KHDRBS2: variants seen among roughly 807,000 people sequenced by gnomAD.
KHDRBS2 encodes the protein KH RNA binding domain containing, signal transduction associated 2, also known as KH domain-containing, RNA-binding, signal transduction-associated protein 2.
Under a neutral mutation model 44.3 loss-of-function variants are expected in KHDRBS2, and 26 were observed. That is an observed-to-expected ratio of 0.59 (90% CI 0.43 to 0.81). The LOEUF is 0.81. KHDRBS2 is among the 40% of genes least tolerant of loss of function. KHDRBS2 has a pLI of 0.00. For synonymous variants in KHDRBS2, 194 were observed against 151.1 expected (o/e 1.28, Z -2.08); for missense variants, 476 against 433.1 (o/e 1.10, Z -0.88).
intron 6 of KHDRBS2, among the ~76,000 whole-genome samples, chr6:61,874,736 T>A (rs1210665082): frequency 6.6e-6 from 1 of 152,106 alleles, no homozygotes; most frequent in Non-Finnish European, 1.5e-5. Flanking sequence ...GAGGTTAGCT[T>A]AGAAGCACGT....
At chr6:61,970,471 G>C (rs745909075) in intron 4 of KHDRBS2, among the ~76,000 whole-genome samples, 1 of 152,138 alleles carries the variant, frequency 6.6e-6, no homozygotes, top group East Asian at 1.9e-4. Flanking sequence ...CATTCAAAAC[G>C]ACCAAGTTAA....
the KHDRBS2 span, among the ~76,000 whole-genome samples, chr6:61,551,920 T>A: frequency 6.6e-6 from 1 of 152,198 alleles, no homozygotes; most frequent in East Asian, 1.9e-4. Context: ...ATATATCCCA[T>A]GTGAATGGGA....
At chr6:62,124,141 C>T (rs1401819161) in intron 2 of KHDRBS2, among the ~76,000 whole-genome samples, 1 of 152,080 alleles carries the variant, frequency 6.6e-6, no homozygotes, top group African/African-American at 2.4e-5. Flanking sequence ...ATATCAGTAC[C>T]CCCAGGGATC....
At chr6:62,201,241 A>T (rs1484819556) in intron 1 of KHDRBS2, among the ~76,000 whole-genome samples, 3 of 152,134 alleles carry the variant, frequency 2.0e-5, no homozygotes, top group African/African-American at 7.2e-5. Flanking sequence ...TTATTAAAAA[A>T]AATTTTAGAG....
At chr6:62,205,958 A>G (rs1163040972) in intron 1 of KHDRBS2, among the ~76,000 whole-genome samples, 1 of 152,188 alleles carries the variant, frequency 6.6e-6, no homozygotes, top group Non-Finnish European at 1.5e-5. Context: ...ATCAATAGCA[A>G]AAAATTGGGA....
intron 6 of KHDRBS2, among the ~76,000 whole-genome samples, chr6:61,814,472 T>C (rs1278414300): frequency 2.6e-5 from 4 of 151,906 alleles, no homozygotes; most frequent in Non-Finnish European, 4.4e-5. Context: ...CTTGGTGTGG[T>C]GCTGCGTGCC....
At chr6:62,121,251 C>T (rs1807561472) in intron 2 of KHDRBS2, among the ~76,000 whole-genome samples, 1 of 152,156 alleles carries the variant, frequency 6.6e-6, no homozygotes. Context: ...AGCTTTAGAC[C>T]TACATCTACT....
the KHDRBS2 span, among the ~76,000 whole-genome samples, chr6:61,559,041 G>C: frequency 6.6e-6 from 1 of 151,764 alleles, no homozygotes; most frequent in African/African-American, 2.4e-5. Flanking sequence ...TTTTATGATG[G>C]GGTCTCTCTC....
chr6:61,750,893 T>G (rs554589756), intron 6 of KHDRBS2, among the ~76,000 whole-genome samples: 86 of 152,204 alleles, frequency 5.7e-4, no homozygotes, highest in African/African-American at 2.0e-3. Context: ...GCATAGGAAG[T>G]GTTAATATAT....
At chr6:61,626,714 A>G in the KHDRBS2 span, among the ~76,000 whole-genome samples, 2 of 152,210 alleles carry the variant, frequency 1.3e-5, no homozygotes, top group African/African-American at 2.4e-5. Context: ...TATGCTGTCT[A>G]TGTTCGGGTG....
intron 4 of KHDRBS2, among the ~76,000 whole-genome samples, chr6:61,947,913 A>AAAAATAAT (rs1813693960): frequency 7.0e-6 from 1 of 143,216 alleles, no homozygotes; most frequent in Non-Finnish European, 1.5e-5. Flanking sequence ...CACACACACA[A>AAAAATAAT]AATAATAATA....
At chr6:62,144,688 A>C (rs1404227219) in intron 2 of KHDRBS2, among the ~76,000 whole-genome samples, 4 of 152,002 alleles carry the variant, frequency 2.6e-5, no homozygotes, top group African/African-American at 9.7e-5. Flanking sequence ...AGCAAAAATA[A>C]CATCTAACCT....
chr6:61,600,437 C>T, the KHDRBS2 span, among the ~76,000 whole-genome samples: 3 of 152,108 alleles, frequency 2.0e-5, no homozygotes, highest in Non-Finnish European at 2.9e-5. Flanking sequence ...CCTTGTGAAC[C>T]CCGCCCCTGC....
chr6:61,793,091 A>C (rs2127586195), intron 6 of KHDRBS2, among the ~76,000 whole-genome samples: 1 of 152,134 alleles, frequency 6.6e-6, no homozygotes, highest in South Asian at 2.1e-4. Flanking sequence ...TCAGAAACAG[A>C]TTCATGCCTA....
At chr6:62,071,685 G>T (rs1309628677) in intron 2 of KHDRBS2, among the ~76,000 whole-genome samples, 1 of 152,118 alleles carries the variant, frequency 6.6e-6, no homozygotes, top group African/African-American at 2.4e-5. Flanking sequence ...GCTCTGTTCT[G>T]TTCCATTGGT....
chr6:62,135,684 T>G (rs1335150845), intron 2 of KHDRBS2, among the ~76,000 whole-genome samples: 1 of 152,080 alleles, frequency 6.6e-6, no homozygotes, highest in Non-Finnish European at 1.5e-5. Context: ...AATATATATA[T>G]GTACATATGT....
chr6:62,112,653 T>C (rs1479091224), intron 2 of KHDRBS2, among the ~76,000 whole-genome samples: 1 of 152,090 alleles, frequency 6.6e-6, no homozygotes, highest in Admixed American at 6.6e-5. Flanking sequence ...GAAAGAGTGG[T>C]AGCAAAATCT....
At chr6:62,129,224 A>G (rs1681971128) in intron 2 of KHDRBS2, among the ~76,000 whole-genome samples, 1 of 152,140 alleles carries the variant, frequency 6.6e-6, no homozygotes, top group South Asian at 2.1e-4. Context: ...TTAAAACCCC[A>G]CAACAAGTTA....
Position 62,047,929 on chromosome 6 carries a change from T to C in KHDRBS2, c.285A>G (p.Thr95=), listed in dbSNP as rs1281017182. The stretch of plus-strand genomic sequence containing the variant: ...TGCCCAGGATAGACATTTTAGCACC[T>C]GTTTCTTCCTGTAGCCTCTTCAAGG... ...GNSLKRLQEE[T]GAKMSILGKG... The change falls in exon 3 of 9, where the codon ACA becomes ACG. Residue 95 remains threonine, a synonymous_variant. Transcript: ENST00000281156. The C allele has an allele frequency of 9.3e-6, 15 of 1,612,344 alleles. No homozygotes were observed. Among genetic ancestry groups the C allele is most frequent in the Non-Finnish European group, 1.3e-5 (15 of 1,178,706 alleles).
Sources: gnomAD v4.1 joint callset for allele counts (sites outside exome capture counted in the v4.1 genomes callset) on GRCh38, gnomAD v4.1.1 for gene constraint, MANE v1.5 for transcripts, NCBI Gene and HGNC (gene_info 2026-07-23, HGNC 2026-07-21) for gene names.